The following PLEKHG1 variants were observed in gnomAD, a reference collection of about 807,000 sequenced individuals.
PLEKHG1 encodes the protein pleckstrin homology and RhoGEF domain containing G1, also known as pleckstrin homology domain-containing family G member 1.
A neutral mutation model predicts 100.8 loss-of-function variants in PLEKHG1; 44 were observed. The observed-to-expected ratio is 0.44, with a 90% confidence interval of 0.34 to 0.56. PLEKHG1 has a LOEUF of 0.56. PLEKHG1 is among the 20% of genes least tolerant of loss of function. The pLI is 0.01. For synonymous variants in PLEKHG1, 640 were observed against 662.5 expected (o/e 0.97, Z 0.52); for missense variants, 1,545 against 1,720.9 (o/e 0.90, Z 1.81).
At chr6:150,629,750 C>T (rs1562394510) in intron 1 of PLEKHG1, among the ~76,000 whole-genome samples, 1 of 152,192 alleles carries the variant, frequency 6.6e-6, no homozygotes, top group Non-Finnish European at 1.5e-5. Flanking sequence ...TGAGCCACTG[C>T]ACCTGGCTGA....
chr6:150,717,478 C>A (rs1359087910), upstream of PLEKHG1, among the ~76,000 whole-genome samples: 1 of 152,094 alleles, frequency 6.6e-6, no homozygotes, highest in African/African-American at 2.4e-5. Flanking sequence ...CCACGCCCGG[C>A]CTGGGAAGGG....
chr6:150,839,432 A>G (rs1293272334), intron 15 of PLEKHG1, among the ~76,000 whole-genome samples: 2 of 152,144 alleles, frequency 1.3e-5, no homozygotes, highest in African/African-American at 2.4e-5. Context: ...TGCTGCTTTT[A>G]AAGACTGCTT....
At chr6:150,650,015 AAAAT>A in intron 2 of PLEKHG1, among the ~76,000 whole-genome samples, 1 of 151,716 alleles carries the variant, frequency 6.6e-6, no homozygotes, top group African/African-American at 2.4e-5. Context: ...CCGTCTCAAA[AAAAT>A]AAATAAATAA....
At chr6:150,626,539 G>A (rs1777520778) in intron 1 of PLEKHG1, among the ~76,000 whole-genome samples, 1 of 152,168 alleles carries the variant, frequency 6.6e-6, no homozygotes, top group South Asian at 2.1e-4. Context: ...TAAATCTCCG[G>A]CCTGCTGCAC....
At chr6:150,826,436 C>A (rs1776614630) in intron 14 of PLEKHG1, among the ~76,000 whole-genome samples, 1 of 152,128 alleles carries the variant, frequency 6.6e-6, no homozygotes. Flanking sequence ...TTAGCCTGGG[C>A]AACAGGGTGA....
At chr6:150,829,426 T>C (rs1776788530) in intron 14 of PLEKHG1, among the ~76,000 whole-genome samples, 1 of 152,186 alleles carries the variant, frequency 6.6e-6, no homozygotes, top group Non-Finnish European at 1.5e-5. Flanking sequence ...AAGACCAGCC[T>C]GGCCAACACA....
At chr6:150,776,844 C>G (rs139736560) in intron 3 of PLEKHG1, among the ~76,000 whole-genome samples, 3,911 of 142,066 alleles carry the variant, frequency 0.028, 36 homozygotes, top group Admixed American at 0.051. Flanking sequence ...TGCGGTTGCA[C>G]ATCAGCCACA....
At chr6:150,797,744 A>G (rs1786431676) in intron 5 of PLEKHG1, among the ~76,000 whole-genome samples, 1 of 145,706 alleles carries the variant, frequency 6.9e-6, no homozygotes. Context: ...CTGAGGCAGG[A>G]GAATTCCTTG....
chr6:150,687,068 C>T (rs960555185), intron 3 of PLEKHG1: 3 of 152,616 alleles, frequency 2.0e-5, no homozygotes, highest in African/African-American at 7.2e-5. Flanking sequence ...ATAAGCTTTT[C>T]TCCACCTTCA....
chr6:150,714,274 G>T (rs764096319), intron 3 of PLEKHG1, among the ~76,000 whole-genome samples: 6 of 152,172 alleles, frequency 3.9e-5, no homozygotes, highest in Non-Finnish European at 8.8e-5. Flanking sequence ...TCTAAAAATT[G>T]TTCAAAAATA....
chr6:150,840,760 C>T (rs201306996), exon 16 of PLEKHG1: 1 of 1,614,210 alleles, frequency 6.2e-7, no homozygotes, highest in Non-Finnish European at 8.5e-7. Flanking sequence ...CTTGGCCTTT[C>T]ACCATATCTG....
intron 1 of PLEKHG1, among the ~76,000 whole-genome samples, chr6:150,630,408 A>G (rs1431118473): frequency 6.6e-6 from 1 of 152,196 alleles, no homozygotes; most frequent in Non-Finnish European, 1.5e-5. Flanking sequence ...GTGGTGAACC[A>G]TGGTTGAGTG....
At chr6:150,771,631 C>A (rs1053512665) in intron 3 of PLEKHG1, among the ~76,000 whole-genome samples, 1 of 151,692 alleles carries the variant, frequency 6.6e-6, no homozygotes. Context: ...TTGCAACCTC[C>A]GCCTCCCGGG....
chr6:150,654,183 C>G (rs2128576116), intron 3 of PLEKHG1, among the ~76,000 whole-genome samples: 2 of 152,330 alleles, frequency 1.3e-5, no homozygotes, highest in South Asian at 4.1e-4. Flanking sequence ...CATTCATGTT[C>G]CAAGGCACGT....
intron 1 of PLEKHG1, among the ~76,000 whole-genome samples, chr6:150,722,565 G>C (rs576525516): frequency 6.6e-6 from 1 of 152,062 alleles, no homozygotes. Flanking sequence ...TGTTAGCCAG[G>C]CTGGTCTCAA....
At chr6:150,811,036 C>T (rs1192116967) in intron 10 of PLEKHG1, among the ~76,000 whole-genome samples, 2 of 151,988 alleles carry the variant, frequency 1.3e-5, no homozygotes, top group Non-Finnish European at 2.9e-5. Flanking sequence ...GTGCATGAAG[C>T]ACCTATGGGT....
At chr6:150,734,161 C>A in intron 2 of PLEKHG1, 69 bp downstream of exon 3, 1 of 1,478,016 alleles carries the variant, frequency 6.8e-7, no homozygotes, top group Non-Finnish European at 9.2e-7. Context: ...ATGACAAAGC[C>A]AAGCCAGGTG....
intron 3 of PLEKHG1, among the ~76,000 whole-genome samples, chr6:150,669,569 T>C (rs1490379294): frequency 6.6e-6 from 1 of 151,840 alleles, no homozygotes; most frequent in East Asian, 1.9e-4. Flanking sequence ...TTCGGCATCA[T>C]CCTATGCTGT....
At chr6:150,623,095 A>C (rs1223807604) in intron 1 of PLEKHG1, among the ~76,000 whole-genome samples, 1 of 151,842 alleles carries the variant, frequency 6.6e-6, no homozygotes, top group Non-Finnish European at 1.5e-5. Flanking sequence ...GTTTGTGTTA[A>C]GTATCCTGTA....
Sources: gnomAD v4.1 joint callset for allele counts (sites outside exome capture counted in the v4.1 genomes callset) on GRCh38, gnomAD v4.1.1 for gene constraint, MANE v1.5 for transcripts, NCBI Gene and HGNC (gene_info 2026-07-23, HGNC 2026-07-21) for gene names.